The following MYO18B variants were observed in gnomAD, a reference collection of about 807,000 sequenced individuals.
The protein encoded by MYO18B is myosin XVIIIB.
A neutral mutation model predicts 273.0 loss-of-function variants in MYO18B; 204 were observed. The ratio of observed to expected loss-of-function variants is 0.75; its 90% CI spans 0.67 to 0.84. MYO18B has a LOEUF of 0.84. Among genes scored for constraint, MYO18B ranks in the 40% least tolerant of loss-of-function variants. The pLI is 0.00. For missense variants in MYO18B, 3,212 were observed against 3,287.6 expected, an observed-to-expected ratio of 0.98 and a Z score of 0.56; for synonymous variants, 1,330 against 1,305.7, an observed-to-expected ratio of 1.02 and a Z score of -0.40.
At position 25,970,125 on chromosome 22, in the gene MYO18B, AATC is replaced by A. The variant is rs533132872; in HGVS notation, c.6156+14768_6156+14770del. On this transcript the variant is annotated intron_variant, in intron 39 of 43. Coordinates refer to ENST00000335473, the MANE Select transcript of MYO18B (RefSeq NM_032608.7). ...TTGCATCATCATCACCATCACCATCAATCATCATCTTGATCACCACCATCATTA... is the reference window on the plus strand; with the variant it reads ...TTGCATCATCATCACCATCACCATCAATCATCTTGATCACCACCATCATTA... Among the ~76,000 whole-genome samples, 18 of 152,082 alleles carry A rather than the reference AATC, an allele frequency of 1.2e-4. No homozygotes were observed. In the South Asian group the frequency reaches 3.1e-3, roughly 26 times the overall value.
At chr22:25,789,753 C>A (rs9608423) in intron 11 of MYO18B, among the ~76,000 whole-genome samples, 1 of 152,068 alleles carries the variant, frequency 6.6e-6, no homozygotes, top group African/African-American at 2.4e-5. Context: ...AAACAAGCGC[C>A]ATTCACCTCA....
intron 21 of MYO18B, among the ~76,000 whole-genome samples, chr22:25,857,570 AT>A (rs1418954924): frequency 6.6e-6 from 1 of 152,158 alleles, no homozygotes; most frequent in Non-Finnish European, 1.5e-5. Flanking sequence ...ATAATTATTC[AT>A]GGGCTCCCAC....
At chr22:25,849,227 T>C (rs2090348790) in intron 20 of MYO18B, among the ~76,000 whole-genome samples, 1 of 152,192 alleles carries the variant, frequency 6.6e-6, no homozygotes, top group Non-Finnish European at 1.5e-5. Context: ...GTTCCTGTGT[T>C]CACGTGACCT....
intron 1 of MYO18B, among the ~76,000 whole-genome samples, chr22:25,760,030 A>G (rs2086252278): frequency 6.6e-6 from 1 of 152,194 alleles, no homozygotes; most frequent in Non-Finnish European, 1.5e-5. Flanking sequence ...ATTGAGAGCT[A>G]CAGTTTCCTG....
intron 21 of MYO18B, among the ~76,000 whole-genome samples, chr22:25,866,937 G>C (rs1302736230): frequency 6.6e-6 from 1 of 151,960 alleles, no homozygotes; most frequent in Non-Finnish European, 1.5e-5. Flanking sequence ...TCACCAGCAA[G>C]AGCAATGAGA....
At chr22:26,031,185 T>C, downstream of MYO18B, 1 of 372,000 alleles carries the variant, frequency 2.7e-6, no homozygotes, top group Non-Finnish European at 4.8e-6. Context: ...GCTGCCTTTA[T>C]TTAAATTCCC....
rs915847726 is a variant in MYO18B, at chr22:25,768,191, A to G, written c.275A>G (p.Gln92Arg). Residue 92 changes from glutamine to arginine, a missense_variant, in exon 4 of 44, where the codon CAG becomes CGG. Transcript: ENST00000335473. ...AGATCTGGAAGCCAGCAGATCTCTC[A>G]GGACGACCAGTCAAGCTCTCCTGGG... is the stretch of plus-strand genomic sequence containing the variant. ...GTRSGSQQIS[Q>R]DDQSSSPGSS... 2 of 1,613,910 alleles carry G rather than the reference A, an allele frequency of 1.2e-6. No homozygotes were observed. The highest frequency in any genetic ancestry group is 1.7e-6 in the Non-Finnish European group (2 of 1,179,844).
intron 17 of MYO18B, among the ~76,000 whole-genome samples, chr22:25,839,785 G>C (rs1008331176): frequency 6.6e-6 from 1 of 152,178 alleles, no homozygotes; most frequent in Admixed American, 6.5e-5. Flanking sequence ...CCAAGAGAAA[G>C]AGCTGGGGAA....
At chr22:25,857,990 CA>C (rs1332002866) in intron 21 of MYO18B, among the ~76,000 whole-genome samples, 1 of 152,198 alleles carries the variant, frequency 6.6e-6, no homozygotes, top group African/African-American at 2.4e-5. Flanking sequence ...ACATGTTTTC[CA>C]CTCAATTTTA....
At chr22:25,813,395 C>A (rs1249832932) in intron 12 of MYO18B, among the ~76,000 whole-genome samples, 5 of 151,980 alleles carry the variant, frequency 3.3e-5, no homozygotes, top group Non-Finnish European at 7.4e-5. Context: ...GATGATAAGC[C>A]CTCACCTTCC....
intron 3 of MYO18B, among the ~76,000 whole-genome samples, chr22:25,766,324 G>T (rs771383183): frequency 1.3e-5 from 2 of 152,064 alleles, no homozygotes; most frequent in African/African-American, 2.4e-5. Flanking sequence ...GCATGATGGT[G>T]ATATAGGGCT....
intron 3 of MYO18B, 56 bp downstream of exon 3, chr22:25,763,445 T>C (rs1206028094): frequency 2.6e-6 from 4 of 1,555,454 alleles, no homozygotes; most frequent in Non-Finnish European, 3.5e-6. Context: ...TCATTCTGTC[T>C]TGTGAGCTTC....
At chr22:25,886,856 C>T (rs1344256019) in intron 25 of MYO18B, among the ~76,000 whole-genome samples, 2 of 152,280 alleles carry the variant, frequency 1.3e-5, no homozygotes, top group Admixed American at 1.3e-4. Flanking sequence ...AAATCACTCC[C>T]TCTCTCAACT....
Position 25,768,361 on chromosome 22 carries a change from A to C in MYO18B, c.445A>C (p.Arg149=). 1 of 1,613,808 alleles carries C rather than the reference A, an allele frequency of 6.2e-7. No homozygotes were observed. Among genetic ancestry groups the C allele is most frequent in the South Asian group, 1.1e-5 (1 of 91,020 alleles). Residue 149 remains arginine (R), a synonymous_variant, in exon 4 of 44, where the codon AGG becomes CGG. Coordinates refer to ENST00000335473, the MANE Select transcript of MYO18B (RefSeq NM_032608.7). ...GACTGTCCCCTTCAAGAGGGGCGTG[A>C]GGAGGGGTGATGTGTTGTTGATGGT... ...KKTVPFKRGV[R]RGDVLLMVAK...
intron 12 of MYO18B, among the ~76,000 whole-genome samples, chr22:25,810,111 T>G (rs953303996): frequency 2.0e-5 from 3 of 150,524 alleles, no homozygotes; most frequent in Non-Finnish European, 4.4e-5. Context: ...TTTTTTTTTT[T>G]TTTTGAGACA....
chr22:25,829,856 T>A (rs183654929), intron 15 of MYO18B, among the ~76,000 whole-genome samples: 110 of 151,144 alleles, frequency 7.3e-4, no homozygotes, highest in African/African-American at 2.5e-3. Flanking sequence ...ATAATAATAA[T>A]ATAAAATAAA....
rs1936382913 is a variant in MYO18B, at chr22:26,027,905, GAC to G, written c.*12+219_*12+220del. ...CTACTTCCTTGTACTTTGAAATGCAGACACATCAGAAAGTAAGAGGTTCCTGT... is the reference window on the plus strand; with the variant it reads ...CTACTTCCTTGTACTTTGAAATGCAGACATCAGAAAGTAAGAGGTTCCTGT... On this transcript the variant is annotated intron_variant, in intron 43 of 43. Coordinates refer to ENST00000335473, the MANE Select transcript of MYO18B (RefSeq NM_032608.7). The surrounding 1 kb of genome is among the most constrained non-coding windows in gnomAD (Gnocchi z 4.1). 1 of 507,070 alleles carries G rather than the reference GAC, an allele frequency of 2.0e-6. No individual in the cohort carries two copies. The highest frequency in any genetic ancestry group is 3.4e-6 in the Non-Finnish European group (1 of 290,230). 31.4% of individuals were successfully genotyped at this position (507,070 alleles called of 1,614,324 possible).
At chr22:25,773,325 AAAGAT>A (rs1463733326) in intron 7 of MYO18B, among the ~76,000 whole-genome samples, 2 of 152,142 alleles carry the variant, frequency 1.3e-5, no homozygotes, top group Non-Finnish European at 2.9e-5. Flanking sequence ...CATCAACAAT[AAAGAT>A]AAGAGTGGCC....
chr22:25,921,231 C>T, intron 33 of MYO18B, 26 bp from the exon 34 acceptor site: 1 of 1,542,666 alleles, frequency 6.5e-7, no homozygotes, highest in Non-Finnish European at 8.8e-7. Context: ...GCCACCTAAG[C>T]TCATGGGTCT....
Sources: allele counts gnomAD v4.1 joint callset (sites outside exome capture counted in the v4.1 genomes callset), GRCh38; gene constraint gnomAD v4.1.1; non-coding constraint Gnocchi (gnomAD v3.1); transcripts MANE v1.5; gene names NCBI Gene and HGNC (gene_info 2026-07-23, HGNC 2026-07-21).